RGPD8: variants seen among roughly 807,000 people sequenced by gnomAD.
The protein encoded by RGPD8 is RANBP2-like and GRIP domain-containing protein 8.
Under a neutral mutation model 89.1 loss-of-function variants are expected in RGPD8, and 15 were observed. The ratio of observed to expected loss-of-function variants is 0.17; its 90% confidence interval spans 0.11 to 0.26. The LOEUF is 0.26. RGPD8 is among the 10% of genes least tolerant of loss of function. The pLI, the probability that RGPD8 is intolerant of heterozygous loss-of-function variation, is 1.00. For missense variants in RGPD8, 178 were observed against 1,179.6 expected (o/e 0.15, Z 12.44); for synonymous variants, 62 against 420.9 (o/e 0.15, Z 10.44).
intron 22 of RGPD8, among the ~76,000 whole-genome samples, chr2:112,373,366 A>C (rs1334633767): frequency 2.0e-5 from 3 of 152,300 alleles, no homozygotes; most frequent in Non-Finnish European, 2.9e-5. Context: ...CTTGAAATTT[A>C]AGTTGGGCCC....
chr2:112,376,117 G>A (rs1299672820), intron 22 of RGPD8, among the ~76,000 whole-genome samples: 1 of 120,632 alleles, frequency 8.3e-6, no homozygotes, highest in Non-Finnish European at 1.8e-5. Context: ...CAGAAATTGG[G>A]GACCAGCAAT....
At chr2:112,373,143 T>A (rs1485420771) in intron 22 of RGPD8, among the ~76,000 whole-genome samples, 1 of 151,754 alleles carries the variant, frequency 6.6e-6, no homozygotes, top group Non-Finnish European at 1.5e-5. Context: ...ACCATAAGTC[T>A]ATCTCAAATA....
intron 1 of RGPD8, among the ~76,000 whole-genome samples, chr2:112,427,147 T>C (rs1371786177): frequency 6.6e-6 from 1 of 152,020 alleles, no homozygotes; most frequent in Non-Finnish European, 1.5e-5. Flanking sequence ...TGCCAAAACA[T>C]AATAGAAAAA....
chr2:112,370,359 G>GGGGGTTTTTTTTT (rs1249646916), intron 22 of RGPD8, 147 bp from the exon 23 acceptor site: 1 of 100,750 alleles, frequency 9.9e-6, no homozygotes, highest in Admixed American at 2.4e-4. Flanking sequence ...GGGGGGGGGG[G>GGGGGTTTTTTTTT]TTCTTTTTTT....
chr2:112,430,090 T>G (rs1222988202), intron 1 of RGPD8, among the ~76,000 whole-genome samples: 1 of 152,108 alleles, frequency 6.6e-6, no homozygotes, highest in Non-Finnish European at 1.5e-5. Context: ...AAAGCACATG[T>G]GAGGGAGTAG....
chr2:112,374,822 G>A (rs1022214528), intron 22 of RGPD8, among the ~76,000 whole-genome samples: 464 of 132,938 alleles, frequency 3.5e-3, no homozygotes, highest in Non-Finnish European at 5.6e-3. Flanking sequence ...GCTGAATTCT[G>A]TGTAATTTCT....
chr2:112,429,415 CAAAAAA>C (rs71412832), intron 1 of RGPD8, among the ~76,000 whole-genome samples: 10 of 45,762 alleles, frequency 2.2e-4, no homozygotes, highest in South Asian at 9.3e-4. Context: ...GACTCCGTCT[CAAAAAA>C]AAAAAAAAAA....
rs1377639952 is a variant in RGPD8, at chr2:112,390,459, A to C, written c.2698-212T>G. Among the ~76,000 whole-genome samples, 3 of 140,730 alleles carry C rather than the reference A, an allele frequency of 2.1e-5. 1 individual carries two copies. The highest frequency in any genetic ancestry group is 7.8e-5 in the African/African-American group (3 of 38,268). 92.3% of individuals were successfully genotyped at this position (140,730 alleles called of 152,430 possible). A position where few individuals can be genotyped will look rare whatever the true frequency, so the allele number is the denominator to read the frequency against. Reference sequence around the variant, plus strand: ...TTATCTCATTTTAATATCCTCAAAAACCCTATGAATTAAGGTATTATTATT... The same window carrying C: ...TTATCTCATTTTAATATCCTCAAAACCCCTATGAATTAAGGTATTATTATT... On this transcript the variant is annotated intron_variant, in intron 19 of 22. Coordinates refer to ENST00000302558, the MANE Select transcript of RGPD8 (RefSeq NM_001164463.1).
rs774144809 is a variant in RGPD8, at chr2:112,422,655, T to C, written c.145A>G (p.Ile49Val). 1,184 of 1,562,556 alleles carry C rather than the reference T, an allele frequency of 7.6e-4. 26 individuals are homozygous for C. The African/African-American group carries it at 0.015, about 20-fold the overall frequency. The change falls in exon 3 of 23, where the codon ATA becomes GTA. Residue 49 changes from isoleucine to valine, a missense_variant. Physicochemically the swap from Ile to Val is conservative, Grantham distance 29. Transcript: ENST00000302558. ...AKEYDLAKKYICTYINVQERD... is the reference protein window; with the variant it reads ...AKEYDLAKKYVCTYINVQERD... ...TCTTGCACATTAATGTAAGTACATA[T>C]GTATCTGTTTTTTAAAAGTAATACA...
chr2:112,430,127 A>C (rs1321251838), intron 1 of RGPD8, among the ~76,000 whole-genome samples: 2 of 152,206 alleles, frequency 1.3e-5, no homozygotes, highest in Non-Finnish European at 2.9e-5. Flanking sequence ...GAGAAGACTA[A>C]CAAATGAAAG....
rs570686702 is a variant in RGPD8 at position 112,432,429 on chromosome 2, T to C, written c.72+953A>G. The C allele has an allele frequency of 3.3e-4, 325 of 971,892 alleles. 8 individuals are homozygous for C. The South Asian group carries it at 0.013, about 40-fold the overall frequency. 60.2% of individuals were successfully genotyped at this position (971,892 alleles called of 1,614,324 possible). A position where few individuals can be genotyped will look rare whatever the true frequency, so the allele number is the denominator to read the frequency against. ...GAGGAGTGGAGTGGAGCTGGACCCT[T>C]ACAAAGGGACAGCGACAAACACCTC... is the stretch of plus-strand genomic sequence containing the variant. On this transcript the variant is annotated intron_variant, in intron 1 of 22. Transcript: ENST00000302558.
intron 1 of RGPD8, among the ~76,000 whole-genome samples, chr2:112,429,537 C>T (rs912434893): frequency 6.7e-6 from 1 of 150,100 alleles, no homozygotes; most frequent in African/African-American, 2.5e-5. Context: ...ATGTAAAGGG[C>T]AGAAAAAACA....
chr2:112,376,739 A>G (rs1313152110), intron 22 of RGPD8, among the ~76,000 whole-genome samples: 1 of 151,308 alleles, frequency 6.6e-6, no homozygotes, highest in Non-Finnish European at 1.5e-5. Flanking sequence ...CGGGAGGCGG[A>G]GGTTGCAGTG....
At chr2:112,431,809 T>G (rs1680052031) in intron 1 of RGPD8, among the ~76,000 whole-genome samples, 1 of 152,148 alleles carries the variant, frequency 6.6e-6, no homozygotes, top group Non-Finnish European at 1.5e-5. Context: ...GCTAACTTTA[T>G]TTGTATTTTT....
chr2:112,387,519 G>A (rs1678502601), intron 20 of RGPD8, among the ~76,000 whole-genome samples: 1 of 129,412 alleles, frequency 7.7e-6, no homozygotes. Flanking sequence ...GCACCACCAT[G>A]CCCGGCTCAT....
chr2:112,377,280 G>GTTT (rs1189164529), intron 22 of RGPD8, among the ~76,000 whole-genome samples: 24 of 52,444 alleles, frequency 4.6e-4, no homozygotes, highest in African/African-American at 1.4e-3. Context: ...CTACATCATA[G>GTTT]TTTTTTTTTT....
At chr2:112,411,090 GA>G (rs1476341109) in intron 7 of RGPD8, among the ~76,000 whole-genome samples, 21 of 152,144 alleles carry the variant, frequency 1.4e-4, no homozygotes, top group Non-Finnish European at 3.1e-4. Context: ...GTCTCAAAAA[GA>G]AAAAAAGATT....
intron 7 of RGPD8, among the ~76,000 whole-genome samples, chr2:112,409,569 G>C (rs1679084747): frequency 6.8e-6 from 1 of 146,200 alleles, no homozygotes; most frequent in African/African-American, 2.8e-5. Context: ...GGGCAAGGCA[G>C]AAAGATCACT....
In RGPD8 at chr2:112,433,389, G is replaced by A; in HGVS notation, c.65C>T (p.Pro22Leu). ...VASVLGLTPS[P>L]RQKSMKGFYF... ...TCTTCCAGACCCACTCACCTGTCGA[G>A]GCGACGGGGTGAGACCCAGCACCGA... The change falls in exon 1 of 23, where the codon CCT (proline) becomes CTT (leucine). Residue 22 changes from proline to leucine, a missense_variant. Physicochemically the swap from Pro to Leu is moderately conservative, Grantham distance 98. Transcript: ENST00000302558. 6.2e-7 allele frequency: 1 copy of A among 1,610,068 alleles called. No homozygotes were observed. Among genetic ancestry groups the A allele is most frequent in the Non-Finnish European group, 8.5e-7 (1 of 1,178,950 alleles).
Sources: allele counts gnomAD v4.1 joint callset (sites outside exome capture counted in the v4.1 genomes callset), GRCh38; gene constraint gnomAD v4.1.1; transcripts MANE v1.5; gene names NCBI Gene and HGNC (gene_info 2026-07-23, HGNC 2026-07-21).